The following TBCD variants were observed in gnomAD, a reference collection of about 807,000 sequenced individuals.
TBCD encodes tubulin-specific chaperone D.
Under a neutral mutation model 169.3 loss-of-function variants are expected in TBCD, and 105 were observed. That is an observed-to-expected ratio of 0.62 (90% CI 0.53 to 0.73). The LOEUF (loss-of-function observed/expected upper bound fraction) is 0.73. Among genes scored for constraint, TBCD ranks in the 30% least tolerant of loss-of-function variants. TBCD has a pLI of 0.00. For missense variants in TBCD, 1,444 were observed against 1,600.1 expected (o/e 0.90, Z 1.66); for synonymous variants, 700 against 643.9 (o/e 1.09, Z -1.32).
chr17:82,865,335 G>T (rs2057090870), intron 13 of TBCD, among the ~76,000 whole-genome samples: 1 of 152,224 alleles, frequency 6.6e-6, no homozygotes. Context: ...GCCGTTTCCT[G>T]CGCTCGGGCT....
chr17:82,766,600 G>A (rs537955292), intron 4 of TBCD, among the ~76,000 whole-genome samples: 3 of 151,986 alleles, frequency 2.0e-5, no homozygotes, highest in East Asian at 1.9e-4. Flanking sequence ...TTATGCCTAG[G>A]TGTAGTTTAA....
At position 82,903,297 on chromosome 17, in the gene TBCD, T is replaced by A; in HGVS notation, c.1731-108T>A. 1 of 1,005,362 alleles carries A rather than the reference T, an allele frequency of 9.9e-7. No individual in the cohort carries two copies. Among genetic ancestry groups the A allele is most frequent in the South Asian group, 1.5e-5 (1 of 66,064 alleles). The allele number at this position is 1,005,362 out of a possible 1,614,324, so 62.3% of individuals were successfully genotyped here. A position where few individuals can be genotyped will look rare whatever the true frequency, so the allele number is the denominator to read the frequency against. On this transcript the variant is annotated intron_variant, in intron 18 of 38. Coordinates refer to ENST00000355528, the MANE Select transcript of TBCD (RefSeq NM_005993.5). This position sits in a 1 kb window ranked among gnomAD's most constrained non-coding sequence, Gnocchi z 4.8. ...AGTGAGTGAGTGAGCCTCTGCTAAG[T>A]GGCCGGTTGAGGACTCGTGTGTTGT...
intron 13 of TBCD, among the ~76,000 whole-genome samples, chr17:82,842,196 C>T (rs963896738): frequency 7.9e-5 from 12 of 152,198 alleles, no homozygotes; most frequent in African/African-American, 2.9e-4. Flanking sequence ...CTGACCCTTG[C>T]CATGGAGGGT....
At chr17:82,861,439 C>A (rs904016088) in intron 13 of TBCD, among the ~76,000 whole-genome samples, 1 of 152,146 alleles carries the variant, frequency 6.6e-6, no homozygotes, top group Non-Finnish European at 1.5e-5. Context: ...GGGGATGGAT[C>A]AGTGGATGGA....
chr17:82,819,077 G>A (rs988971269), intron 13 of TBCD, among the ~76,000 whole-genome samples: 34 of 152,220 alleles, frequency 2.2e-4, no homozygotes, highest in Middle Eastern at 3.4e-3. Flanking sequence ...AAAAAAAAGC[G>A]CGAAAACAAA....
At chr17:82,777,967 A>G (rs553075713) in intron 6 of TBCD, among the ~76,000 whole-genome samples, 1 of 152,246 alleles carries the variant, frequency 6.6e-6, no homozygotes, top group Non-Finnish European at 1.5e-5. Context: ...CGTTACCGCT[A>G]GACCAAGGAG....
chr17:82,807,970 C>T lies in TBCD; in HGVS notation c.1148+302C>T, dbSNP rs141655897. 1.4e-3 allele frequency among the ~76,000 whole-genome samples: 216 copies of T among 152,352 alleles called. 1 individual carries two copies. Among genetic ancestry groups the T allele is most frequent in the African/African-American group, 4.9e-3 (202 of 41,582 alleles). ...CCTCATCACTGTGCCCCCCACCTAT[C>T]GTTCCCCACAGATGGGGGTCACGGC... On this transcript the variant is annotated intron_variant, in intron 11 of 38. Coordinates refer to ENST00000355528, the MANE Select transcript of TBCD (RefSeq NM_005993.5).
At chr17:82,872,926 G>T (rs969679034) in intron 14 of TBCD, among the ~76,000 whole-genome samples, 1 of 144,038 alleles carries the variant, frequency 6.9e-6, no homozygotes, top group African/African-American at 2.8e-5. Flanking sequence ...CCTCGTGGCC[G>T]ACGGCTTCTG....
intron 30 of TBCD, among the ~76,000 whole-genome samples, chr17:82,928,784 C>T (rs576363707): frequency 6.6e-5 from 10 of 152,256 alleles, no homozygotes; most frequent in East Asian, 5.8e-4. Flanking sequence ...CTTCTCCACC[C>T]GCTCCTGTAA....
intron 7 of TBCD, among the ~76,000 whole-genome samples, chr17:82,794,803 G>A (rs1281491090): frequency 6.6e-6 from 1 of 152,216 alleles, no homozygotes; most frequent in Admixed American, 6.5e-5. Flanking sequence ...GATAACTTTT[G>A]GGGCTTTTCT....
At chr17:82,779,200 G>C (rs549394917) in intron 6 of TBCD, among the ~76,000 whole-genome samples, 5 of 151,684 alleles carry the variant, frequency 3.3e-5, no homozygotes, top group South Asian at 2.1e-4. Flanking sequence ...TTTTAGTAGA[G>C]ATGGGGTGCA....
chr17:82,874,678 G>A lies in TBCD; in HGVS notation c.1475+4298G>A, dbSNP rs1213345180. ...TGGCCCACGCAGACTCCAGGCATCC[G>A]GCCGGGCGGGCTGTGAGTCAGGCTG... is the stretch of plus-strand genomic sequence containing the variant. On this transcript the variant is annotated intron_variant, in intron 14 of 38. Transcript: ENST00000355528. This position sits in a 1 kb window ranked among gnomAD's most constrained non-coding sequence, Gnocchi z 5.0. 5.3e-5 allele frequency among the ~76,000 whole-genome samples: 8 copies of A among 152,166 alleles called. No homozygotes were observed. The highest frequency in any genetic ancestry group is 1.2e-4 in the Non-Finnish European group (8 of 68,024).
chr17:82,924,904 G>A, intron 26 of TBCD, 35 bp from the exon 27 acceptor site: 1 of 1,521,220 alleles, frequency 6.6e-7, no homozygotes, highest in Non-Finnish European at 8.9e-7. Flanking sequence ...ATGGGCAGCA[G>A]AGGGCCTCTC....
intron 23 of TBCD, among the ~76,000 whole-genome samples, chr17:82,917,248 G>A (rs1031502218): frequency 1.3e-5 from 2 of 152,026 alleles, no homozygotes; most frequent in African/African-American, 4.8e-5. Context: ...TCGATCTCTT[G>A]ACCTTGTGAT....
At position 82,887,166 on chromosome 17, in the gene TBCD, TGTGCGCGCGCGCGCAC is replaced by T. The variant is rs1324422124; in HGVS notation, c.1534-2495_1534-2480del. On this transcript the variant is annotated intron_variant, in intron 15 of 38. Coordinates refer to ENST00000355528, the MANE Select transcript of TBCD (RefSeq NM_005993.5). ...GTGTGTGTGTGTGTGTGTGTGTGTG[TGTGCGCGCGCGCGCAC>T]GTGCGCTCACGCGTTTACTTCTGTG... 4.0e-4 allele frequency among the ~76,000 whole-genome samples: 44 copies of T among 109,148 alleles called. 1 individual carries two copies. Among genetic ancestry groups the T allele is most frequent in the South Asian group, 1.3e-3 (4 of 3,068 alleles). 71.6% of individuals were successfully genotyped at this position (109,148 alleles called of 152,430 possible).
chr17:82,906,553 A>G (rs143784019), intron 20 of TBCD, among the ~76,000 whole-genome samples: 43 of 152,354 alleles, frequency 2.8e-4, no homozygotes, highest in Non-Finnish European at 5.1e-4. Context: ...GTCACTGGGA[A>G]GTTGTGTGCA....
chr17:82,941,468 C>T lies in TBCD; in HGVS notation c.3549C>T (p.Pro1183=), dbSNP rs766664501. The T allele has an allele frequency of 1.9e-6, 3 of 1,598,160 alleles. No individual in the cohort carries two copies. Among genetic ancestry groups the T allele is most frequent in the Non-Finnish European group, 2.6e-6 (3 of 1,173,608 alleles). The change falls in exon 38 of 39, where the codon CCC becomes CCT. Residue 1183 remains proline, a synonymous_variant. Transcript: ENST00000355528. ...GTGACCTTCTGGGCGTACCCAGGCCCCAGCTGGTGCCCCAGGTAACCCTGT... is the reference window on the plus strand; with the variant it reads ...GTGACCTTCTGGGCGTACCCAGGCCTCAGCTGGTGCCCCAGGTAACCCTGT... The part of the protein sequence containing the change: ...RLCDLLGVPR[P]QLVPQPGAC
At chr17:82,868,140 A>G (rs2057306912) in intron 13 of TBCD, among the ~76,000 whole-genome samples, 1 of 152,068 alleles carries the variant, frequency 6.6e-6, no homozygotes, top group South Asian at 2.1e-4. Context: ...GGCTCTGGGA[A>G]TGGCGCGGTG....
At chr17:82,909,014 T>G (rs1460364114) in intron 21 of TBCD, among the ~76,000 whole-genome samples, 3 of 152,242 alleles carry the variant, frequency 2.0e-5, no homozygotes, top group Non-Finnish European at 4.4e-5. Flanking sequence ...GGGGCCAGAA[T>G]GCAGGTGGCT....
Sources: gnomAD v4.1 joint callset for allele counts (sites outside exome capture counted in the v4.1 genomes callset) on GRCh38, gnomAD v4.1.1 for gene constraint, Gnocchi (gnomAD v3.1) non-coding constraint, MANE v1.5 for transcripts, NCBI Gene and HGNC (gene_info 2026-07-23, HGNC 2026-07-21) for gene names.